Variants in CLSTN2 observed in about 807,000 individuals in gnomAD.
CLSTN2 encodes calsyntenin 2.
In CLSTN2, 48 loss-of-function variants were observed where a neutral mutation model predicts 101.2. That is an observed-to-expected ratio of 0.47 (90% CI 0.38 to 0.60). The LOEUF (loss-of-function observed/expected upper bound fraction) is 0.60, where lower values mean the gene tolerates loss of function less well. CLSTN2 is among the 20% of genes least tolerant of loss of function. The pLI is 0.00. For synonymous variants in CLSTN2, 481 were observed against 463.6 expected, an observed-to-expected ratio of 1.04 and a Z score of -0.48; for missense variants, 1,160 against 1,238.2, an observed-to-expected ratio of 0.94 and a Z score of 0.95.
intron 8 of CLSTN2, among the ~76,000 whole-genome samples, chr3:140,529,113 C>CACCTGATTTTCTCCTCCTCATCT (rs1935203504): frequency 6.6e-6 from 1 of 152,216 alleles, no homozygotes; most frequent in East Asian, 1.9e-4. Context: ...GAGAACCTCT[C>CACCTGATTTTCTCCTCCTCATCT]ACCTGATTTT....
At chr3:140,465,339 C>G (rs1190757676) in intron 7 of CLSTN2, among the ~76,000 whole-genome samples, 1 of 152,180 alleles carries the variant, frequency 6.6e-6, no homozygotes, top group Non-Finnish European at 1.5e-5. Context: ...AAACTTCCAG[C>G]GGGAAGGAAA....
At position 140,566,667 on chromosome 3, in the gene CLSTN2, TCTC is replaced by T. The variant is rs1985258864; in HGVS notation, c.*417_*419del. ...GTCTCCTCCACACAGACCAGTAGGT[TCTC>T]CTATGCTGACTCCAGGTTGCTTCAT... On this transcript the variant is annotated 3_prime_UTR_variant, in exon 17 of 17. Transcript: ENST00000458420. The T allele has an allele frequency of 9.3e-6, 2 of 214,086 alleles. No individual in the cohort carries two copies. The highest frequency in any genetic ancestry group is 1.9e-5 in the Non-Finnish European group (2 of 103,642). The allele number at this position is 214,086 out of a possible 1,614,324, so 13.3% of individuals were successfully genotyped here. A position where few individuals can be genotyped will look rare whatever the true frequency, so the allele number is the denominator to read the frequency against.
intron 8 of CLSTN2, among the ~76,000 whole-genome samples, chr3:140,516,078 T>C (rs1214096142): frequency 6.6e-6 from 1 of 152,216 alleles, no homozygotes; most frequent in East Asian, 1.9e-4. Context: ...ACTTTTATCA[T>C]TATGTAATGT....
At chr3:140,203,625 T>G (rs1055976497) in intron 2 of CLSTN2, among the ~76,000 whole-genome samples, 2 of 152,138 alleles carry the variant, frequency 1.3e-5, no homozygotes, top group African/African-American at 4.8e-5. Flanking sequence ...AGCTATTTGT[T>G]TCTGCCTGAA....
intron 1 of CLSTN2, among the ~76,000 whole-genome samples, chr3:140,106,103 T>C (rs561118507): frequency 4.6e-5 from 7 of 152,274 alleles, no homozygotes; most frequent in Non-Finnish European, 8.8e-5. Flanking sequence ...GATCCAGTCT[T>C]TAAAGAACTG....
At chr3:140,021,588 G>T (rs1409104733) in intron 1 of CLSTN2, among the ~76,000 whole-genome samples, 2 of 152,108 alleles carry the variant, frequency 1.3e-5, no homozygotes, top group Admixed American at 1.3e-4. Context: ...GTCTCTGTAT[G>T]CTGGGGTTGG....
intron 1 of CLSTN2, among the ~76,000 whole-genome samples, chr3:140,005,786 G>T (rs2006941835): frequency 6.6e-6 from 1 of 152,192 alleles, no homozygotes; most frequent in Non-Finnish European, 1.5e-5. Flanking sequence ...CTTGACTTGG[G>T]ATATGTTTTC....
intron 1 of CLSTN2, among the ~76,000 whole-genome samples, chr3:140,049,278 GAAATTTAAC>G (rs2007942080): frequency 6.6e-6 from 1 of 152,110 alleles, no homozygotes; most frequent in Non-Finnish European, 1.5e-5. Flanking sequence ...AGGAAATCCT[GAAATTTAAC>G]AGTAAAATCA....
At chr3:140,502,548 A>G (rs1022313812) in intron 8 of CLSTN2, among the ~76,000 whole-genome samples, 3 of 152,254 alleles carry the variant, frequency 2.0e-5, no homozygotes, top group Non-Finnish European at 4.4e-5. Context: ...TTGTTTGTCT[A>G]AAGTAATCGT....
Position 140,571,414 on chromosome 3 carries a change from G to A in CLSTN2, c.*5161G>A, listed in dbSNP as rs965286736. On this transcript the variant is annotated 3_prime_UTR_variant, in exon 17 of 17. Coordinates refer to ENST00000458420, the MANE Select transcript of CLSTN2 (RefSeq NM_022131.3). ...ACCAAATAGTTTTTACAAAAAAGTA[G>A]GTAAGTGGGTTTAATTCTTTGAAAG... 1 of 152,170 alleles carries A rather than the reference G, an allele frequency of 6.6e-6. No individual in the cohort carries two copies. Among genetic ancestry groups the A allele is most frequent in the Non-Finnish European group, 1.5e-5 (1 of 68,042 alleles). 9.4% of individuals were successfully genotyped at this position (152,170 alleles called of 1,614,324 possible).
At position 140,059,326 on chromosome 3, in the gene CLSTN2, G is replaced by A. The variant is rs529019992; in HGVS notation, c.110-116625G>A. Among the ~76,000 whole-genome samples the A allele has an allele frequency of 2.6e-5, 4 of 152,354 alleles. No homozygotes were observed. In the South Asian group the frequency reaches 8.3e-4, roughly 32 times the overall value. On this transcript the variant is annotated intron_variant, in intron 1 of 16. Coordinates refer to ENST00000458420, the MANE Select transcript of CLSTN2 (RefSeq NM_022131.3). Reference sequence around the variant, plus strand: ...AGAGGGGCAGGGCTTTGTGTTGTGTGCACTGCTGCCCCCCAGGGCCTGGAA... The same window carrying A: ...AGAGGGGCAGGGCTTTGTGTTGTGTACACTGCTGCCCCCCAGGGCCTGGAA...
intron 2 of CLSTN2, among the ~76,000 whole-genome samples, chr3:140,322,977 C>T (rs769325938): frequency 4.6e-5 from 7 of 152,140 alleles, no homozygotes; most frequent in East Asian, 3.9e-4. Context: ...TGATCCATGC[C>T]GCTTTTTTGG....
chr3:140,353,242 C>CATATATATATATATATATAT (rs34831776), intron 2 of CLSTN2, among the ~76,000 whole-genome samples: 1 of 146,768 alleles, frequency 6.8e-6, no homozygotes, highest in Admixed American at 6.9e-5. Context: ...TATGTTTACA[C>CATATATATATATATATATAT]ATATATATAT....
chr3:140,554,291 G>A (rs1384605973), intron 10 of CLSTN2, among the ~76,000 whole-genome samples: 2 of 152,132 alleles, frequency 1.3e-5, no homozygotes, highest in African/African-American at 4.8e-5. Context: ...GTCAACAATA[G>A]TGCTCATGAG....
At chr3:140,087,361 T>A (rs888467276) in intron 1 of CLSTN2, among the ~76,000 whole-genome samples, 19 of 152,200 alleles carry the variant, frequency 1.2e-4, no homozygotes, top group African/African-American at 4.1e-4. Flanking sequence ...AACATATGAA[T>A]TGTAGCCATT....
chr3:140,291,141 G>C (rs571856482), intron 2 of CLSTN2, among the ~76,000 whole-genome samples: 94 of 152,164 alleles, frequency 6.2e-4, no homozygotes, highest in African/African-American at 2.2e-3. Flanking sequence ...GTTGTCCCAT[G>C]TGGTTATTAA....
At chr3:140,531,420 T>C (rs564432558) in intron 8 of CLSTN2, among the ~76,000 whole-genome samples, 4 of 152,192 alleles carry the variant, frequency 2.6e-5, no homozygotes, top group Non-Finnish European at 4.4e-5. Flanking sequence ...TAATCAAGCA[T>C]GGAATTGTAG....
chr3:140,272,645 G>T (rs953591573), intron 2 of CLSTN2, among the ~76,000 whole-genome samples: 2 of 152,136 alleles, frequency 1.3e-5, no homozygotes, highest in African/African-American at 4.8e-5. Flanking sequence ...CCAGCTATTT[G>T]GGAGGCTGAG....
At chr3:139,972,645 G>A (rs762825978) in intron 1 of CLSTN2, among the ~76,000 whole-genome samples, 69 of 152,184 alleles carry the variant, frequency 4.5e-4, no homozygotes, top group Non-Finnish European at 9.0e-4. Context: ...AGAAGGCCTA[G>A]TCCATTGCTA....
Sources: gnomAD v4.1 joint callset for allele counts (sites outside exome capture counted in the v4.1 genomes callset) on GRCh38, gnomAD v4.1.1 for gene constraint, MANE v1.5 for transcripts, NCBI Gene and HGNC (gene_info 2026-07-23, HGNC 2026-07-21) for gene names.